MRM2: variants seen among roughly 807,000 people sequenced by gnomAD.
MRM2 encodes rRNA methyltransferase 2, mitochondrial.
In MRM2, 15 loss-of-function variants were observed where a neutral mutation model predicts 10.9. The observed-to-expected ratio is 1.37, with a 90% CI of 0.92 to 2.11. MRM2 has a LOEUF of 2.11. MRM2 is among the 30% of genes most tolerant of loss of function. The pLI, the probability that MRM2 is intolerant of heterozygous loss-of-function variation, is 0.00. For missense variants in MRM2, 328 were observed against 321.3 expected, an observed-to-expected ratio of 1.02 and a Z score of -0.16; for synonymous variants, 139 against 128.7, an observed-to-expected ratio of 1.08 and a Z score of -0.54.
At chr7:2,236,643 G>A (rs1794423850) in intron 2 of MRM2, among the ~76,000 whole-genome samples, 1 of 152,152 alleles carries the variant, frequency 6.6e-6, no homozygotes, top group Admixed American at 6.5e-5. Flanking sequence ...TGAAAAATGA[G>A]GTAATCTTCA....
Position 2,239,611 on chromosome 7 carries a change from C to T in MRM2, c.105G>A (p.Leu35=). The stretch of plus-strand genomic sequence containing the variant: ...CAAATGGGTCCCTGAGATGTCGGGT[C>T]AGCCACAGGTGCTCAGCGCCTGTCC... ...KNRTGAEHLW[L]TRHLRDPFVK... Residue 35 remains leucine, a synonymous_variant, in exon 2 of 3, where the codon CTG becomes CTA. Transcript: ENST00000242257. 1.2e-6 allele frequency: 2 copies of T among 1,614,152 alleles called. No individual in the cohort carries two copies. The highest frequency in any genetic ancestry group is 1.7e-6 in the Non-Finnish European group (2 of 1,180,034).
chr7:2,237,726 G>A (rs1020231455), intron 2 of MRM2, among the ~76,000 whole-genome samples: 2 of 152,054 alleles, frequency 1.3e-5, no homozygotes, highest in Non-Finnish European at 1.5e-5. Context: ...CGGATCACCT[G>A]AGGCCTGGAG....
chr7:2,236,388 A>G (rs1262237741), intron 2 of MRM2, among the ~76,000 whole-genome samples: 1 of 151,716 alleles, frequency 6.6e-6, no homozygotes, highest in Non-Finnish European at 1.5e-5. Context: ...ATATAAAATA[A>G]CGTACAAAAA....
chr7:2,235,458 G>A lies in MRM2; in HGVS notation c.405C>T (p.Thr135=). The A allele has an allele frequency of 6.2e-7, 1 of 1,614,020 alleles. No individual in the cohort carries two copies. Among genetic ancestry groups the A allele is most frequent in the African/African-American group, 1.3e-5 (1 of 75,018 alleles). ...LCPADVTDPR[T]SQRILEVLPG... The stretch of plus-strand genomic sequence containing the variant: ...GAAGCACCTCGAGGATTCTCTGTGA[G>A]GTTCTCGGGTCAGTCACGTCAGCAG... Residue 135 remains threonine, a synonymous_variant, in exon 3 of 3, where the codon ACC becomes ACT. Coordinates refer to ENST00000242257, the MANE Select transcript of MRM2 (RefSeq NM_013393.3).
Position 2,235,501 on chromosome 7 carries a change from C to T in MRM2, c.362G>A (p.Gly121Glu), listed in dbSNP as rs1454570836. 2 of 1,613,656 alleles carry T rather than the reference C, an allele frequency of 1.2e-6. No individual in the cohort carries two copies. Among genetic ancestry groups the T allele is most frequent in the East Asian group, 4.5e-5 (2 of 44,862 alleles). Residue 121 changes from glycine (G) to glutamate (E), a missense_variant, in exon 3 of 3, where the codon GGA becomes GAA. Gly to Glu is a moderately conservative substitution (Grantham distance 98). Coordinates refer to ENST00000242257, the MANE Select transcript of MRM2 (RefSeq NM_013393.3). The stretch of plus-strand genomic sequence containing the variant: ...GTCAGCAGGGCACAGAAAAGTTGCT[C>T]CTTCCAGGGGGAATATGTGAAGAAG... The part of the protein sequence containing the change: ...VDLLHIFPLE[G>E]ATFLCPADVT...
At chr7:2,239,176 G>C in intron 2 of MRM2, 1 of 779,796 alleles carries the variant, frequency 1.3e-6, no homozygotes, top group Non-Finnish European at 2.4e-6. Context: ...TGCTGGTGCT[G>C]GTACCTGCGG....
At position 2,242,182 on chromosome 7, in the gene MRM2, C is replaced by T; in HGVS notation, c.-13G>A. ...CTCACCCCGCCATTGGTGTTCCCCG[C>T]GCCTGCAGCGCGCCGCCGGAAGTGC... On this transcript the variant is annotated 5_prime_UTR_variant, in exon 1 of 3. Coordinates refer to ENST00000242257, the MANE Select transcript of MRM2 (RefSeq NM_013393.3). The T allele has an allele frequency of 1.3e-6, 2 of 1,579,812 alleles. No individual in the cohort carries two copies. Among genetic ancestry groups the T allele is most frequent in the Non-Finnish European group, 8.6e-7 (1 of 1,168,360 alleles).
chr7:2,240,410 CTTT>C (rs1044603225), intron 1 of MRM2: 1 of 324,472 alleles, frequency 3.1e-6, no homozygotes, highest in South Asian at 2.3e-5. Context: ...TTTTTTTCTT[CTTT>C]TTTTCGAGAC....
Position 2,241,983 on chromosome 7 carries a change from G to T in MRM2, c.8+179C>A. 3 of 609,858 alleles carry T rather than the reference G, an allele frequency of 4.9e-6. No homozygotes were observed. In the Admixed American group the frequency reaches 1.3e-4, roughly 26 times the overall value. The allele number at this position is 609,858 out of a possible 1,614,324, so 37.8% of individuals were successfully genotyped here. ...GCCCTGCCCCTGGAGACCTGAGGGC[G>T]CCCTCCTCCCGGGGAACTGCGACCC... On this transcript the variant is annotated intron_variant, in intron 1 of 2. Transcript: ENST00000242257.
chr7:2,234,732 C>G lies in MRM2; in HGVS notation c.*390G>C. On this transcript the variant is annotated 3_prime_UTR_variant, in exon 3 of 3. Transcript: ENST00000242257. ...GTGCTCTCAGAGCAGGGGTGGAAAG[C>G]CTGTTTGTGTGTGACAGTTTAACAG... The G allele has an allele frequency of 4.6e-6, 1 of 215,454 alleles. No individual in the cohort carries two copies. 13.3% of individuals were successfully genotyped at this position (215,454 alleles called of 1,614,324 possible).
At chr7:2,235,703 CAG>C (rs1403225484) in intron 2 of MRM2, 139 bp from the exon 3 acceptor site, 1 of 630,782 alleles carries the variant, frequency 1.6e-6, no homozygotes, top group Non-Finnish European at 2.7e-6. Context: ...TAGGTAAACA[CAG>C]GCCTTCTCTA....
At chr7:2,240,556 G>A (rs1344274769) in intron 1 of MRM2, among the ~76,000 whole-genome samples, 3 of 151,926 alleles carry the variant, frequency 2.0e-5, no homozygotes, top group Non-Finnish European at 2.9e-5. Context: ...TGTGTCAATC[G>A]TTGAAGGACA....
At chr7:2,236,478 CAGG>C (rs1794421377) in intron 2 of MRM2, among the ~76,000 whole-genome samples, 1 of 152,074 alleles carries the variant, frequency 6.6e-6, no homozygotes, top group African/African-American at 2.4e-5. Flanking sequence ...TACTTGAGCC[CAGG>C]AGTTCTAGTC....
intron 1 of MRM2, chr7:2,241,953 C>A: frequency 2.0e-6 from 1 of 505,942 alleles, no homozygotes; most frequent in South Asian, 3.2e-5. Flanking sequence ...CCCACGGCCC[C>A]GCCGGCCCTG....
chr7:2,241,462 T>TC (rs1794536875), intron 1 of MRM2, among the ~76,000 whole-genome samples: 1 of 151,790 alleles, frequency 6.6e-6, no homozygotes, highest in Admixed American at 6.6e-5. Flanking sequence ...TTTTTTTTTT[T>TC]TTAATTCTTA....
intron 2 of MRM2, among the ~76,000 whole-genome samples, chr7:2,236,312 C>T (rs1444724533): frequency 1.3e-5 from 2 of 152,204 alleles, no homozygotes; most frequent in African/African-American, 4.8e-5. Flanking sequence ...CATTCTCCAG[C>T]TTAATCCAAT....
At chr7:2,236,066 C>T (rs1023686912) in intron 2 of MRM2, among the ~76,000 whole-genome samples, 2 of 152,042 alleles carry the variant, frequency 1.3e-5, no homozygotes, top group African/African-American at 2.4e-5. Context: ...CCCATCTCTA[C>T]TAAAAATACA....
intron 2 of MRM2, 76 bp downstream of exon 2, chr7:2,239,342 C>A: frequency 2.1e-5 from 30 of 1,458,036 alleles, no homozygotes; most frequent in Non-Finnish European, 2.8e-5. Flanking sequence ...CCCGCATCCA[C>A]TGGCAAAGGC....
chr7:2,241,448 A>ACT (rs1794536431), intron 1 of MRM2: 2 of 145,530 alleles, frequency 1.4e-5, no homozygotes, highest in Admixed American at 1.4e-4. Flanking sequence ...GCCTGGGCTA[A>ACT]TTTTTTTTTT....
Sources: gnomAD v4.1 joint callset for allele counts (sites outside exome capture counted in the v4.1 genomes callset) on GRCh38, gnomAD v4.1.1 for gene constraint, MANE v1.5 for transcripts, NCBI Gene and HGNC (gene_info 2026-07-23, HGNC 2026-07-21) for gene names.